Variants in USH2A observed in about 807,000 individuals in gnomAD.
USH2A encodes Usher syndrome 2A (autosomal recessive, mild).
Under a neutral mutation model 538.9 loss-of-function variants are expected in USH2A, and 443 were observed. The observed-to-expected ratio is 0.82, with a 90% CI of 0.76 to 0.89. USH2A has a LOEUF of 0.89. Ranked by LOEUF, USH2A falls within the 40% of genes least tolerant of loss-of-function variation. The pLI is 0.00. For missense variants in USH2A, 6,633 were observed against 6,324.8 expected, an observed-to-expected ratio of 1.05 and a Z score of -1.65; for synonymous variants, 2,413 against 2,273.5, an observed-to-expected ratio of 1.06 and a Z score of -1.75.
intron 40 of USH2A, among the ~76,000 whole-genome samples, chr1:215,894,585 T>C (rs1247338702): frequency 6.6e-6 from 1 of 152,068 alleles, no homozygotes; most frequent in African/African-American, 2.4e-5. Flanking sequence ...TCCCCTTCAT[T>C]CCGAATAGCA....
chr1:216,325,384 A>G lies in USH2A; in HGVS notation c.1064T>C (p.Val355Ala), dbSNP rs746683099. Residue 355 changes from valine (V) to alanine (A), a missense_variant, in exon 6 of 72, where the codon GTT becomes GCT. Transcript: ENST00000307340. ...VNDNDVGTSW[V>A]SNVFTNITQL... ...TGTAATGTTTGTAAACACATTTGAA[A>G]CCCATGAAGTACCAACATCATTATC... The G allele has an allele frequency of 3.1e-6, 5 of 1,613,858 alleles. No homozygotes were observed. The East Asian group carries it at 1.1e-4, about 36-fold the overall frequency.
chr1:216,245,976 T>A (rs952649541), intron 13 of USH2A, among the ~76,000 whole-genome samples: 3 of 152,206 alleles, frequency 2.0e-5, no homozygotes, highest in African/African-American at 7.2e-5. Context: ...GAAGGTATAG[T>A]ATTTTAGTTA....
At chr1:216,205,620 TAAGG>T (rs2035095757) in intron 16 of USH2A, among the ~76,000 whole-genome samples, 1 of 152,220 alleles carries the variant, frequency 6.6e-6, no homozygotes, top group African/African-American at 2.4e-5. Flanking sequence ...CTAACCATTT[TAAGG>T]AAGGTTATGG....
intron 15 of USH2A, among the ~76,000 whole-genome samples, chr1:216,210,549 A>G (rs1039797617): frequency 6.6e-6 from 1 of 152,048 alleles, no homozygotes; most frequent in Non-Finnish European, 1.5e-5. Flanking sequence ...CTTCTTCCCC[A>G]TGTTACCCTT....
chr1:216,310,550 C>A (rs559182787), intron 9 of USH2A, among the ~76,000 whole-genome samples: 1 of 151,986 alleles, frequency 6.6e-6, no homozygotes, highest in African/African-American at 2.4e-5. Flanking sequence ...TTTTTCTCCT[C>A]GACCATATAT....
chr1:216,308,878 G>A (rs2037366751), intron 9 of USH2A, among the ~76,000 whole-genome samples: 1 of 152,116 alleles, frequency 6.6e-6, no homozygotes, highest in African/African-American at 2.4e-5. Context: ...CAAACTTGAA[G>A]TGTGCTTGTT....
At chr1:215,628,689 A>G (rs1355226384) in intron 71 of USH2A, 125 bp downstream of exon 71, 1 of 955,800 alleles carries the variant, frequency 1.0e-6, no homozygotes, top group East Asian at 2.4e-5. Flanking sequence ...GGTTGTTACT[A>G]CCTCACTGGC....
At chr1:216,021,346 A>G (rs1055838617) in intron 32 of USH2A, among the ~76,000 whole-genome samples, 1 of 152,134 alleles carries the variant, frequency 6.6e-6, no homozygotes. Context: ...AATAAGTCTC[A>G]TAAGATCTGA....
rs150393068 is a variant in USH2A at position 215,913,738 on chromosome 1, G to GT, written c.7301-12834dup. Among the ~76,000 whole-genome samples the GT allele has an allele frequency of 3.3e-3, 499 of 149,208 alleles. 17 individuals are homozygous for GT. In the East Asian group the frequency reaches 0.064, roughly 19 times the overall value. Reference sequence around the variant, plus strand: ...ATCTTATTGATATACTTTGATTCGAGTTTTTTTTTTCCATAAAAGTTGAGT... The same window carrying GT: ...ATCTTATTGATATACTTTGATTCGAGTTTTTTTTTTTCCATAAAAGTTGAGT... On this transcript the variant is annotated intron_variant, in intron 38 of 71. Transcript: ENST00000307340.
At chr1:216,416,997 A>G (rs565907582) in intron 3 of USH2A, among the ~76,000 whole-genome samples, 1 of 152,284 alleles carries the variant, frequency 6.6e-6, no homozygotes, top group Non-Finnish European at 1.5e-5. Flanking sequence ...TGGAAACTTC[A>G]AGACTAGGAC....
chr1:216,324,376 G>T, intron 6 of USH2A, 24 bp from the exon 7 acceptor site: 1 of 1,573,316 alleles, frequency 6.4e-7, no homozygotes, highest in Non-Finnish European at 8.7e-7. Context: ...GTTAATTAAT[G>T]TAATTAAAGT....
At chr1:215,992,027 A>G (rs1668014235) in intron 35 of USH2A, among the ~76,000 whole-genome samples, 1 of 152,208 alleles carries the variant, frequency 6.6e-6, no homozygotes, top group Non-Finnish European at 1.5e-5. Context: ...GATTATTAGA[A>G]TTCTCTCCAT....
chr1:216,074,332 C>CTCTT (rs1473280495), intron 27 of USH2A, among the ~76,000 whole-genome samples: 2 of 133,850 alleles, frequency 1.5e-5, no homozygotes, highest in Non-Finnish European at 3.3e-5. Flanking sequence ...TGTTCTCTCT[C>CTCTT]TCTCTCTCTC....
chr1:216,134,508 A>T (rs2033441116), intron 21 of USH2A, among the ~76,000 whole-genome samples: 1 of 152,138 alleles, frequency 6.6e-6, no homozygotes, highest in Admixed American at 6.6e-5. Context: ...TAATCAAACA[A>T]CTTCACAGAA....
At chr1:215,850,671 G>A (rs1853809) in intron 44 of USH2A, among the ~76,000 whole-genome samples, 80,959 of 151,984 alleles carry the variant, frequency 0.53, 21,834 homozygotes, top group Admixed American at 0.63. Context: ...AATGGACTTA[G>A]AGTATACCCT....
intron 21 of USH2A, among the ~76,000 whole-genome samples, chr1:216,165,759 A>T (rs1379875289): frequency 6.6e-6 from 1 of 152,002 alleles, no homozygotes; most frequent in Admixed American, 6.6e-5. Flanking sequence ...AGCATGAAAA[A>T]GATAGTCATA....
At chr1:215,956,034 T>C (rs1667057922) in intron 37 of USH2A, among the ~76,000 whole-genome samples, 1 of 152,178 alleles carries the variant, frequency 6.6e-6, no homozygotes, top group African/African-American at 2.4e-5. Context: ...GGCTAGATTT[T>C]TTTTCTATTT....
chr1:216,237,762 T>C (rs962976857), intron 13 of USH2A, among the ~76,000 whole-genome samples: 1 of 152,222 alleles, frequency 6.6e-6, no homozygotes, highest in Non-Finnish European at 1.5e-5. Flanking sequence ...ATCTTTGTAA[T>C]TGTCAATTAG....
chr1:215,842,467 C>A (rs146752822), intron 46 of USH2A, among the ~76,000 whole-genome samples: 5,165 of 152,190 alleles, frequency 0.034, 97 homozygotes, highest in African/African-American at 0.05. Flanking sequence ...GGTATATACC[C>A]AAAGAAATAT....
Sources: allele counts gnomAD v4.1 joint callset (sites outside exome capture counted in the v4.1 genomes callset), GRCh38; gene constraint gnomAD v4.1.1; transcripts MANE v1.5; gene names NCBI Gene and HGNC (gene_info 2026-07-23, HGNC 2026-07-21).